The following HKDC1 variants were observed in gnomAD, a reference collection of about 807,000 sequenced individuals.
HKDC1 encodes hexokinase domain containing 1, also known as hexokinase HKDC1.
In HKDC1, 66 loss-of-function variants were observed where a neutral mutation model predicts 96.6. That is an observed-to-expected ratio of 0.68 (90% CI 0.56 to 0.84). The LOEUF (loss-of-function observed/expected upper bound fraction) is 0.84, where lower values mean the gene tolerates loss of function less well. HKDC1 is among the 40% of genes least tolerant of loss of function. HKDC1 has a pLI of 0.00. For synonymous variants in HKDC1, 466 were observed against 473.1 expected (o/e 0.98, Z 0.20); for missense variants, 1,211 against 1,208.1 (o/e 1.00, Z -0.04).
chr10:69,258,719 C>T, intron 14 of HKDC1, 57 bp from the exon 15 acceptor site: 1 of 1,569,002 alleles, frequency 6.4e-7, no homozygotes, highest in Non-Finnish European at 8.8e-7. Context: ...ACTCTGCCAC[C>T]TTTCTAAAAC....
chr10:69,224,304 G>A (rs1463560913), intron 1 of HKDC1, among the ~76,000 whole-genome samples: 2 of 152,006 alleles, frequency 1.3e-5, no homozygotes, highest in Non-Finnish European at 2.9e-5. Flanking sequence ...TTATTTTTAA[G>A]ATGGAATCTC....
intron 4 of HKDC1, among the ~76,000 whole-genome samples, chr10:69,236,518 T>C (rs559094666): frequency 6.6e-6 from 1 of 151,422 alleles, no homozygotes; most frequent in East Asian, 2.0e-4. Context: ...CAGTGGCTCA[T>C]GCCTGTAATC....
Position 69,232,898 on chromosome 10 carries a change from G to A in HKDC1, c.361G>A (p.Gly121Arg), listed in dbSNP as rs1326361327. 10 of 1,613,096 alleles carry A rather than the reference G, an allele frequency of 6.2e-6. No individual in the cohort carries two copies. The highest frequency in any genetic ancestry group is 1.7e-5 in the Admixed American group (1 of 60,016). Residue 121 changes from glycine to arginine, a missense_variant, in exon 3 of 18, where the codon GGG becomes AGG. Coordinates refer to ENST00000354624, the MANE Select transcript of HKDC1 (RefSeq NM_025130.4). ...FYPTPNEIIR[G>R]NGTELFEYVA... ...CCCAACGCCCAATGAAATCATCCGC[G>A]GGAACGGCACAGAGGTACCTGGCAG...
chr10:69,234,200 C>T (rs576928591), intron 4 of HKDC1, among the ~76,000 whole-genome samples: 1 of 152,172 alleles, frequency 6.6e-6, no homozygotes, highest in Non-Finnish European at 1.5e-5. Context: ...TCCTGGCCCT[C>T]CTGGTTATGA....
At chr10:69,245,998 G>A (rs1194481363) in intron 7 of HKDC1, 81 bp from the exon 8 acceptor site, 17 of 1,540,246 alleles carry the variant, frequency 1.1e-5, no homozygotes, top group Non-Finnish European at 1.5e-5. Context: ...TCCTTCCTGT[G>A]GGCAGTGGCT....
In HKDC1 at chr10:69,261,213, G is replaced by T. The variant is rs1478288633; in HGVS notation, c.2291G>T (p.Gly764Val). ...RQILIDLTKQ[G>V]LLFRGQISER... ...ATCCTGATCGACCTGACCAAGCAGG[G>T]TCTCCTCTTCCGAGGGCAGATTTCA... is the stretch of plus-strand genomic sequence containing the variant. The change falls in exon 16 of 18, where the codon GGT (glycine) becomes GTT (valine). Residue 764 changes from glycine to valine, a missense_variant. Coordinates refer to ENST00000354624, the MANE Select transcript of HKDC1 (RefSeq NM_025130.4). 1.9e-6 allele frequency: 3 copies of T among 1,614,056 alleles called. No homozygotes were observed. Among genetic ancestry groups the T allele is most frequent in the African/African-American group, 2.7e-5 (2 of 75,018 alleles).
At position 69,246,133 on chromosome 10, in the gene HKDC1, G is replaced by A; in HGVS notation, c.930G>A (p.Leu310=). 6.2e-7 allele frequency: 1 copy of A among 1,614,260 alleles called. No homozygotes were observed. The highest frequency in any genetic ancestry group is 8.5e-7 in the Non-Finnish European group (1 of 1,180,052). Residue 310 remains leucine, a synonymous_variant, in exon 8 of 18, where the codon TTG becomes TTA. Transcript: ENST00000354624. ...TGGGGGAGCTTGTCAGGCTTATCTT[G>A]CTGAAGATGGCCAAGGCTGGCCTCC... ...LYLGELVRLI[L]LKMAKAGLLF...
chr10:69,265,338 C>T, intron 16 of HKDC1: 1 of 506,154 alleles, frequency 2.0e-6, no homozygotes, highest in Admixed American at 3.7e-5. Flanking sequence ...AGTGAGATCA[C>T]AGATATGAAC....
chr10:69,261,630 T>G (rs1419637446), intron 16 of HKDC1: 1 of 208,056 alleles, frequency 4.8e-6, no homozygotes, highest in Non-Finnish European at 9.9e-6. Flanking sequence ...ATAACTACAG[T>G]ACCATTATCA....
intron 16 of HKDC1, 108 bp from the exon 17 acceptor site, chr10:69,265,477 C>T: frequency 1.1e-6 from 1 of 943,670 alleles, no homozygotes; most frequent in South Asian, 1.4e-5. Context: ...GGGTCAATTT[C>T]TCCTCCCTCC....
intron 10 of HKDC1, among the ~76,000 whole-genome samples, chr10:69,249,513 T>G (rs1305016721): frequency 6.6e-6 from 1 of 152,206 alleles, no homozygotes; most frequent in Non-Finnish European, 1.5e-5. Flanking sequence ...TTATTTTTTT[T>G]GAGACGGAGT....
At position 69,247,564 on chromosome 10, in the gene HKDC1, G is replaced by A. The variant is rs1843561535; in HGVS notation, c.1236G>A (p.Met412Ile). The A allele has an allele frequency of 1.2e-6, 2 of 1,614,012 alleles. No homozygotes were observed. Among genetic ancestry groups the A allele is most frequent in the Non-Finnish European group, 1.7e-6 (2 of 1,180,018 alleles). Residue 412 changes from methionine (M) to isoleucine (I), a missense_variant, in exon 9 of 18, where the codon ATG becomes ATA. Transcript: ENST00000354624. ...KVERLRTTVGMDGTLYKIHPQ... is the reference protein window; with the variant it reads ...KVERLRTTVGIDGTLYKIHPQ... ...AACGGCTCCGGACCACAGTGGGCAT[G>A]GACGGCACCCTCTACAAGATACACC...
At chr10:69,256,121 T>C (rs555456807) in intron 12 of HKDC1, among the ~76,000 whole-genome samples, 5 of 152,296 alleles carry the variant, frequency 3.3e-5, no homozygotes, top group East Asian at 1.9e-4. Context: ...CGAGTGTATA[T>C]GTGTGTATGA....
chr10:69,255,370 T>C (rs1293942175), intron 12 of HKDC1, among the ~76,000 whole-genome samples: 2 of 152,024 alleles, frequency 1.3e-5, no homozygotes, highest in Admixed American at 6.5e-5. Flanking sequence ...TCCCAAGAAC[T>C]ATGGAGGGAA....
chr10:69,255,547 T>C (rs2132370956), intron 12 of HKDC1, among the ~76,000 whole-genome samples: 1 of 152,268 alleles, frequency 6.6e-6, no homozygotes, highest in East Asian at 1.9e-4. Context: ...GCTTTCTAGA[T>C]GATGGAGTGC....
At chr10:69,223,380 G>A (rs1344885774) in intron 1 of HKDC1, among the ~76,000 whole-genome samples, 3 of 152,084 alleles carry the variant, frequency 2.0e-5, no homozygotes, top group African/African-American at 7.2e-5. Flanking sequence ...GGTACATACA[G>A]TTCTGAACTG....
intron 4 of HKDC1, among the ~76,000 whole-genome samples, chr10:69,236,775 C>G (rs111462072): frequency 2.6e-5 from 3 of 116,154 alleles, no homozygotes; most frequent in African/African-American, 7.0e-5. Flanking sequence ...AGTGAAACTT[C>G]GTTTCAAAAA....
At chr10:69,250,170 G>GGTCT in intron 10 of HKDC1, 120 bp from the exon 11 acceptor site, 3 of 1,145,078 alleles carry the variant, frequency 2.6e-6, no homozygotes, top group Non-Finnish European at 3.7e-6. Flanking sequence ...ACGACCCTCT[G>GGTCT]GTCTATGAGG....
chr10:69,230,995 C>T (rs1031256064), intron 2 of HKDC1, among the ~76,000 whole-genome samples: 10 of 152,180 alleles, frequency 6.6e-5, no homozygotes, highest in African/African-American at 2.2e-4. Context: ...CCTCCCTCTC[C>T]CAGGGTCCAC....
Sources: gnomAD v4.1 joint callset for allele counts (sites outside exome capture counted in the v4.1 genomes callset) on GRCh38, gnomAD v4.1.1 for gene constraint, MANE v1.5 for transcripts, NCBI Gene and HGNC (gene_info 2026-07-23, HGNC 2026-07-21) for gene names.